EEF2K: variants seen among roughly 807,000 people sequenced by gnomAD.
EEF2K encodes the protein alternative protein EEF2K.
Under a neutral mutation model 93.8 loss-of-function variants are expected in EEF2K, and 70 were observed. The observed-to-expected ratio is 0.75, with a 90% confidence interval of 0.62 to 0.91. The LOEUF is 0.91. Among genes scored for constraint, EEF2K ranks in the 40% least tolerant of loss-of-function variants. The pLI is 0.00. For synonymous variants in EEF2K, 376 were observed against 380.8 expected (o/e 0.99, Z 0.15); for missense variants, 935 against 972.9 (o/e 0.96, Z 0.52).
At chr16:22,220,028 T>C (rs565625718) in intron 1 of EEF2K, among the ~76,000 whole-genome samples, 3 of 152,210 alleles carry the variant, frequency 2.0e-5, no homozygotes, top group Non-Finnish European at 2.9e-5. Flanking sequence ...GTTCACATGT[T>C]TATATCTATC....
intron 2 of EEF2K, among the ~76,000 whole-genome samples, chr16:22,234,482 G>A (rs528251730): frequency 1.6e-3 from 241 of 152,014 alleles, no homozygotes; most frequent in African/African-American, 5.5e-3. Context: ...ACTTGAACCC[G>A]GGAGGCGGAG....
chr16:22,280,488 C>T, intron 17 of EEF2K, 112 bp downstream of exon 17: 1 of 1,202,788 alleles, frequency 8.3e-7, no homozygotes, highest in Non-Finnish European at 1.1e-6. Flanking sequence ...AATCTTCTTC[C>T]AGGGAGGGGA....
Position 22,283,881 on chromosome 16 carries a change from T to A in EEF2K, c.2069-6T>A. The A allele has an allele frequency of 6.3e-7, 1 of 1,584,296 alleles. No homozygotes were observed. Among genetic ancestry groups the A allele is most frequent in the Non-Finnish European group, 8.6e-7 (1 of 1,165,170 alleles). ...CCTCTTTTTGCCCCCCTTTGCTGTCTTTCAGGGGACTTGTATACCCAGGCA... is the reference window on the plus strand; with the variant it reads ...CCTCTTTTTGCCCCCCTTTGCTGTCATTCAGGGGACTTGTATACCCAGGCA... On this transcript the variant is annotated splice_region_variant and splice_polypyrimidine_tract_variant and intron_variant, in intron 17 of 17. Coordinates refer to ENST00000263026, the MANE Select transcript of EEF2K (RefSeq NM_013302.5).
At chr16:22,218,547 A>G (rs1241228520) in intron 1 of EEF2K, among the ~76,000 whole-genome samples, 1 of 152,178 alleles carries the variant, frequency 6.6e-6, no homozygotes, top group African/African-American at 2.4e-5. Flanking sequence ...TAACTGCCAG[A>G]TCGAGACCCA....
At position 22,285,201 on chromosome 16, in the gene EEF2K, G is replaced by T. The variant is rs1482249928; in HGVS notation, c.*1205G>T. ...ATCTCAGTGGCAGCTCCCACAACGTGACTGCAATGTCTCTTATACAGTATT... is the reference window on the plus strand; with the variant it reads ...ATCTCAGTGGCAGCTCCCACAACGTTACTGCAATGTCTCTTATACAGTATT... On this transcript the variant is annotated 3_prime_UTR_variant, in exon 18 of 18. Coordinates refer to ENST00000263026, the MANE Select transcript of EEF2K (RefSeq NM_013302.5). 2 of 152,420 alleles carry T rather than the reference G, an allele frequency of 1.3e-5. No homozygotes were observed. The highest frequency in any genetic ancestry group is 2.4e-5 in the African/African-American group (1 of 41,428). The allele number at this position is 152,420 out of a possible 1,614,324, so 9.4% of individuals were successfully genotyped here.
At chr16:22,273,319 A>C (rs1471835731) in intron 15 of EEF2K, among the ~76,000 whole-genome samples, 1 of 152,218 alleles carries the variant, frequency 6.6e-6, no homozygotes. Context: ...TTGTGGGGCC[A>C]TAGCCATAGA....
In EEF2K at chr16:22,280,210, G is replaced by A. The variant is rs774147155; in HGVS notation, c.1902G>A (p.Trp634Ter). Residue 634 changes from tryptophan (W) to a stop codon, truncating the protein, a stop_gained, in exon 17 of 18, where the codon TGG becomes TGA. Coordinates refer to ENST00000263026, the MANE Select transcript of EEF2K (RefSeq NM_013302.5). LOFTEE classifies it high-confidence loss of function. Reference protein sequence around the residue: ...QNLSPDRCQDWLEALHWYNTA... With the variant: ...QNLSPDRCQD ...ATCTCCTGGCAAGGTGCCAAGACTG[G>A]CTAGAGGCCCTGCACTGGTACAACA... The A allele has an allele frequency of 6.6e-7, 1 of 1,521,544 alleles. No homozygotes were observed. Among genetic ancestry groups the A allele is most frequent in the Non-Finnish European group, 8.8e-7 (1 of 1,132,098 alleles). The allele number at this position is 1,521,544 out of a possible 1,614,324, so 94.3% of individuals were successfully genotyped here. A position where few individuals can be genotyped will look rare whatever the true frequency, so the allele number is the denominator to read the frequency against.
At chr16:22,216,534 T>C (rs1327844581) in intron 1 of EEF2K, among the ~76,000 whole-genome samples, 4 of 152,236 alleles carry the variant, frequency 2.6e-5, no homozygotes, top group Non-Finnish European at 5.9e-5. Context: ...GAATTCGTGT[T>C]AAACTGTGAG....
At chr16:22,265,031 A>C in intron 13 of EEF2K, 151 bp downstream of exon 13, 2 of 828,876 alleles carry the variant, frequency 2.4e-6, no homozygotes, top group East Asian at 2.8e-5. Context: ...ATCTGGGCAA[A>C]TGCTCTTTGA....
At chr16:22,267,183 GGCC>G (rs760585500) in intron 15 of EEF2K, among the ~76,000 whole-genome samples, 2 of 152,124 alleles carry the variant, frequency 1.3e-5, no homozygotes, top group Non-Finnish European at 2.9e-5. Context: ...CTGTAACTGG[GGCC>G]TGGAGGGGTT....
chr16:22,222,538 A>G (rs1322857472), intron 1 of EEF2K, among the ~76,000 whole-genome samples: 1 of 150,932 alleles, frequency 6.6e-6, no homozygotes, highest in Non-Finnish European at 1.5e-5. Context: ...GGCTTTCTTG[A>G]GATAAAATTC....
In EEF2K at chr16:22,283,920, T is replaced by C. The variant is rs1474863350; in HGVS notation, c.2102T>C (p.Met701Thr). 7 of 1,600,656 alleles carry C rather than the reference T, an allele frequency of 4.4e-6. No individual in the cohort carries two copies. The highest frequency in any genetic ancestry group is 6.0e-6 in the Non-Finnish European group (7 of 1,173,912). Residue 701 changes from methionine to threonine, a missense_variant, in exon 18 of 18, where the codon ATG (methionine) becomes ACG (threonine). Met to Thr is a moderately conservative substitution (Grantham distance 81). Coordinates refer to ENST00000263026, the MANE Select transcript of EEF2K (RefSeq NM_013302.5). ...TATACCCAGGCAGCAGAGGCAGCGA[T>C]GGAAGCCATGAAGGGCCGACTGGCC... ...DLYTQAAEAA[M>T]EAMKGRLANQ...
rs531599777 is a variant in EEF2K at position 22,280,724 on chromosome 16, G to A, written c.2068+348G>A. 7.3e-5 allele frequency among the ~76,000 whole-genome samples: 11 copies of A among 150,212 alleles called. No individual in the cohort carries two copies. The East Asian group carries it at 2.0e-3, about 27-fold the overall frequency. On this transcript the variant is annotated intron_variant, in intron 17 of 17. Transcript: ENST00000263026. ...CTATAGCCCAGACTGGAGTGCAACG[G>A]CATAATCTTGGCTCACTGCAGCCTC...
intron 7 of EEF2K, 56 bp downstream of exon 7, chr16:22,256,953 T>A: frequency 3.1e-6 from 5 of 1,603,270 alleles, no homozygotes; most frequent in Non-Finnish European, 4.3e-6. Flanking sequence ...GGTGAGATCC[T>A]GGCCAGGCTC....
chr16:22,230,969 G>A (rs2047109071), intron 2 of EEF2K, among the ~76,000 whole-genome samples: 2 of 151,534 alleles, frequency 1.3e-5, no homozygotes, highest in South Asian at 2.1e-4. Flanking sequence ...CATATAGTAT[G>A]TGTGTGTGCA....
In EEF2K at chr16:22,266,862, G is replaced by A. The variant is rs148449057; in HGVS notation, c.1750G>A (p.Asp584Asn). 435 of 1,610,218 alleles carry A rather than the reference G, an allele frequency of 2.7e-4. No individual in the cohort carries two copies. Among genetic ancestry groups the A allele is most frequent in the Non-Finnish European group, 3.4e-4 (405 of 1,177,596 alleles). The change falls in exon 15 of 18, where the codon GAT becomes AAT. Residue 584 changes from aspartate to asparagine, a missense_variant. By Grantham distance (23) the Asp-to-Asn change is conservative. Transcript: ENST00000263026. ...YSQLPHHILA[D>N]VSLKETEENK... The stretch of plus-strand genomic sequence containing the variant: ...GCAGTTGCCTCATCACATCCTAGCC[G>A]ATGTCTCTCTGAAGGTGAGCAGGTG...
chr16:22,261,663 C>T (rs2047463740), intron 11 of EEF2K, among the ~76,000 whole-genome samples: 1 of 149,446 alleles, frequency 6.7e-6, no homozygotes, highest in South Asian at 2.1e-4. Flanking sequence ...GCACTCCAAC[C>T]TGGGCGACAG....
rs76898301 is a variant in EEF2K, at chr16:22,251,330, G to T, written c.618+8G>T. The T allele has an allele frequency of 1.0e-4, 169 of 1,613,476 alleles. No homozygotes were observed. The East Asian group carries it at 3.7e-3, about 36-fold the overall frequency. On this transcript the variant is annotated splice_region_variant and intron_variant, in intron 6 of 17. Coordinates refer to ENST00000263026, the MANE Select transcript of EEF2K (RefSeq NM_013302.5). ...CACAAGCCCCCCAAGCAGGTGCGTG[G>T]CCCCACTACCTGCCCCCTTTCCATG...
intron 4 of EEF2K, among the ~76,000 whole-genome samples, 158 bp downstream of exon 4, chr16:22,248,973 T>TA (rs1491186358): frequency 2.5e-5 from 3 of 117,884 alleles, no homozygotes; most frequent in Non-Finnish European, 4.8e-5. Context: ...GTAGCCAGCA[T>TA]TTTTTTTTTT....
Sources: gnomAD v4.1 joint callset for allele counts (sites outside exome capture counted in the v4.1 genomes callset) on GRCh38, gnomAD v4.1.1 for gene constraint, MANE v1.5 for transcripts, NCBI Gene and HGNC (gene_info 2026-07-23, HGNC 2026-07-21) for gene names.